The following ANKH variants were observed in gnomAD, a reference collection of about 807,000 sequenced individuals.
ANKH encodes mineralization regulator ANKH.
ANKH carries 15 observed loss-of-function variants against 49.0 expected under a neutral mutation model. That is an observed-to-expected ratio of 0.31 (90% CI 0.20 to 0.47). The LOEUF (loss-of-function observed/expected upper bound fraction) is 0.47, where lower values mean the gene tolerates loss of function less well. Among genes scored for constraint, ANKH ranks in the 20% least tolerant of loss-of-function variants. The pLI, the probability that ANKH is intolerant of heterozygous loss-of-function variation, is 1.00. For synonymous variants in ANKH, 273 were observed against 260.0 expected (o/e 1.05, Z -0.48); for missense variants, 429 against 652.0 (o/e 0.66, Z 3.72).
intron 1 of ANKH, among the ~76,000 whole-genome samples, chr5:14,850,815 A>G (rs1742102154): frequency 6.6e-6 from 1 of 152,186 alleles, no homozygotes; most frequent in East Asian, 1.9e-4. Context: ...AGGCAGAGAA[A>G]CTGCGACGTC....
intron 8 of ANKH, among the ~76,000 whole-genome samples, chr5:14,723,239 G>A (rs780724651): frequency 2.0e-5 from 3 of 152,026 alleles, no homozygotes; most frequent in Non-Finnish European, 4.4e-5. Context: ...CACCAGGGCT[G>A]GCTCCTCGGT....
At chr5:14,771,921 G>GAAAAAA (rs869185652) in intron 1 of ANKH, among the ~76,000 whole-genome samples, 2 of 53,384 alleles carry the variant, frequency 3.7e-5, no homozygotes, top group Non-Finnish European at 7.6e-5. Flanking sequence ...CTCAAAAAAA[G>GAAAAAA]AAAAAAAAAA....
At chr5:14,747,083 A>T (rs1297531635) in intron 6 of ANKH, among the ~76,000 whole-genome samples, 1 of 152,022 alleles carries the variant, frequency 6.6e-6, no homozygotes, top group Non-Finnish European at 1.5e-5. Flanking sequence ...CCCACCTCTA[A>T]GCCTCCACTC....
At chr5:14,761,804 C>T (rs113527248) in intron 2 of ANKH, among the ~76,000 whole-genome samples, 4 of 151,490 alleles carry the variant, frequency 2.6e-5, no homozygotes, top group African/African-American at 7.3e-5. Context: ...CGCTCTGTCT[C>T]GCCCAGGGTG....
At chr5:14,797,118 C>A in intron 1 of ANKH, 1 of 1,350,788 alleles carries the variant, frequency 7.4e-7, no homozygotes, top group Non-Finnish European at 1.0e-6. Flanking sequence ...GAAGTAAAGA[C>A]ATATTTAGGA....
At chr5:14,832,510 G>A (rs1198322433) in intron 1 of ANKH, among the ~76,000 whole-genome samples, 1 of 152,154 alleles carries the variant, frequency 6.6e-6, no homozygotes, top group African/African-American at 2.4e-5. Flanking sequence ...AAAATAAACA[G>A]ATTACATTCA....
chr5:14,720,579 G>A (rs1481123266), intron 8 of ANKH, among the ~76,000 whole-genome samples: 1 of 152,158 alleles, frequency 6.6e-6, no homozygotes, highest in Non-Finnish European at 1.5e-5. Flanking sequence ...CCCCCAATAT[G>A]TCCCATAGCA....
chr5:14,769,054 G>A lies in ANKH; in HGVS notation c.234C>T (p.Asn78=). The A allele has an allele frequency of 1.2e-6, 2 of 1,614,206 alleles. No homozygotes were observed. The highest frequency in any genetic ancestry group is 1.7e-5 in the Admixed American group (1 of 60,030). Residue 78 remains asparagine (N), a synonymous_variant, in exon 2 of 12, where the codon AAC becomes AAT. Transcript: ENST00000284268. ...CGGCTTTGGTCCTGTCTCTCTTGCT[G>A]TTCACAAACACCAGGCCCACATTTT... ...DFKNVGLVFV[N]SKRDRTKAVL...
chr5:14,758,610 C>T lies in ANKH; in HGVS notation c.314-12G>A, dbSNP rs371594354. The T allele has an allele frequency of 1.2e-5, 18 of 1,514,000 alleles. No individual in the cohort carries two copies. Among genetic ancestry groups the T allele is most frequent in the Non-Finnish European group, 1.6e-5 (17 of 1,088,886 alleles). The allele number at this position is 1,514,000 out of a possible 1,614,324, so 93.8% of individuals were successfully genotyped here. A position where few individuals can be genotyped will look rare whatever the true frequency, so the allele number is the denominator to read the frequency against. ...TAAATCACTATAAGCTGCAAAGTGTCGAAAGGCATATGTGGAAATATTTAG... is the reference window on the plus strand; with the variant it reads ...TAAATCACTATAAGCTGCAAAGTGTTGAAAGGCATATGTGGAAATATTTAG... On this transcript the variant is annotated splice_polypyrimidine_tract_variant and intron_variant, in intron 2 of 11. Coordinates refer to ENST00000284268, the MANE Select transcript of ANKH (RefSeq NM_054027.6).
intron 8 of ANKH, among the ~76,000 whole-genome samples, chr5:14,721,849 G>GA (rs1286529347): frequency 7.4e-6 from 1 of 134,360 alleles, no homozygotes; most frequent in African/African-American, 2.7e-5. Flanking sequence ...AGAATGGCGT[G>GA]AATCGGGGAG....
At chr5:14,726,511 G>A (rs535633604) in intron 8 of ANKH, among the ~76,000 whole-genome samples, 1 of 152,244 alleles carries the variant, frequency 6.6e-6, no homozygotes, top group Admixed American at 6.5e-5. Flanking sequence ...TGGTGGGGAA[G>A]GGAGAAGAAC....
At chr5:14,801,980 C>T (rs780953507) in intron 1 of ANKH, among the ~76,000 whole-genome samples, 3 of 152,160 alleles carry the variant, frequency 2.0e-5, no homozygotes, top group African/African-American at 7.2e-5. Flanking sequence ...GGATGCATTT[C>T]CTACTGTGCA....
At chr5:14,798,592 CTT>C (rs574032327) in intron 1 of ANKH, among the ~76,000 whole-genome samples, 68 of 152,158 alleles carry the variant, frequency 4.5e-4, no homozygotes, top group Non-Finnish European at 7.9e-4. Context: ...CTCTCTGTCT[CTT>C]TGTGTCACAT....
intron 1 of ANKH, among the ~76,000 whole-genome samples, chr5:14,815,891 C>T (rs570920330): frequency 6.6e-6 from 1 of 152,302 alleles, no homozygotes; most frequent in Admixed American, 6.5e-5. Flanking sequence ...ATCGAGGGCG[C>T]TGGCTAGTAA....
chr5:14,722,555 G>A (rs1449380883), intron 8 of ANKH, among the ~76,000 whole-genome samples: 1 of 152,178 alleles, frequency 6.6e-6, no homozygotes, highest in Non-Finnish European at 1.5e-5. Context: ...ACACGGCAAA[G>A]GGACACAGAA....
chr5:14,717,898 G>A (rs1737530347), intron 8 of ANKH, among the ~76,000 whole-genome samples: 1 of 152,166 alleles, frequency 6.6e-6, no homozygotes, highest in Non-Finnish European at 1.5e-5. Flanking sequence ...TTCAGATTTT[G>A]GAGCATTTTG....
intron 1 of ANKH, among the ~76,000 whole-genome samples, chr5:14,867,118 C>T (rs999005721): frequency 8.6e-5 from 12 of 138,756 alleles, no homozygotes; most frequent in African/African-American, 3.0e-4. Context: ...GATCACACCA[C>T]TGTACTCTAG....
chr5:14,781,952 G>A (rs1755722354), intron 1 of ANKH, among the ~76,000 whole-genome samples: 1 of 152,096 alleles, frequency 6.6e-6, no homozygotes, highest in African/African-American at 2.4e-5. Context: ...ACAGGTTTAC[G>A]TCTGGGATCC....
rs909896118 is a variant in ANKH, at chr5:14,713,305, A to G, written c.1265+239T>C. On this transcript the variant is annotated intron_variant, in intron 10 of 11. Coordinates refer to ENST00000284268, the MANE Select transcript of ANKH (RefSeq NM_054027.6). This position sits in a 1 kb window ranked among gnomAD's most constrained non-coding sequence, Gnocchi z 4.4. The stretch of plus-strand genomic sequence containing the variant: ...CGTTCAAGCCCGTGCAGGGCCGGCC[A>G]TGCCCTGACAGGAGCTCAGTGGCTA... Among the ~76,000 whole-genome samples, 2 of 152,150 alleles carry G rather than the reference A, an allele frequency of 1.3e-5. No homozygotes were observed. Among genetic ancestry groups the G allele is most frequent in the African/African-American group, 4.8e-5 (2 of 41,422 alleles).
Sources: gnomAD v4.1 joint callset for allele counts (sites outside exome capture counted in the v4.1 genomes callset) on GRCh38, gnomAD v4.1.1 for gene constraint, Gnocchi (gnomAD v3.1) non-coding constraint, MANE v1.5 for transcripts, NCBI Gene and HGNC (gene_info 2026-07-23, HGNC 2026-07-21) for gene names.